The following DENND1A variants were observed in gnomAD, a reference collection of about 807,000 sequenced individuals.
The protein encoded by DENND1A is DENN domain containing 1A.
DENND1A carries 51 observed loss-of-function variants against 113.7 expected under a neutral mutation model. That is an observed-to-expected ratio of 0.45 (90% CI 0.36 to 0.57). The LOEUF (loss-of-function observed/expected upper bound fraction) is 0.57, where lower values mean the gene tolerates loss of function less well. Ranked by LOEUF, DENND1A falls within the 20% of genes least tolerant of loss-of-function variation. The pLI is 0.00. For synonymous variants in DENND1A, 565 were observed against 570.8 expected, an observed-to-expected ratio of 0.99 and a Z score of 0.14; for missense variants, 1,258 against 1,395.9, an observed-to-expected ratio of 0.90 and a Z score of 1.57.
Position 123,557,593 on chromosome 9 carries a change from G to C in DENND1A, c.970C>G (p.Arg324Gly). Residue 324 changes from arginine (R) to glycine (G), a missense_variant, in exon 13 of 24, where the codon CGA becomes GGA. This residue lies in a region of DENND1A where 1,159 missense variants were observed against 1,231.7 expected (regional missense o/e 0.94). Transcript: ENST00000394215. ...ACCGGCTCGATTTTCAGAGCGTTTC[G>C]GTAGCTACCGAAGAAAGCAGCCTGG... is the stretch of plus-strand genomic sequence containing the variant. ...KAQAAFFGSY[R>G]NALKIEPEEP... 1.2e-6 allele frequency: 2 copies of C among 1,613,874 alleles called. No individual in the cohort carries two copies. Among genetic ancestry groups the C allele is most frequent in the Non-Finnish European group, 1.7e-6 (2 of 1,179,910 alleles).
intron 2 of DENND1A, among the ~76,000 whole-genome samples, chr9:123,796,852 A>T (rs557320796): frequency 9.9e-5 from 15 of 152,154 alleles, no homozygotes; most frequent in African/African-American, 3.6e-4. Flanking sequence ...TAAAGAGTCA[A>T]GGCATGACAT....
At chr9:123,741,656 G>A (rs546514324) in intron 5 of DENND1A, among the ~76,000 whole-genome samples, 32 of 152,302 alleles carry the variant, frequency 2.1e-4, no homozygotes, top group African/African-American at 7.0e-4. Context: ...TCTCCTCAAT[G>A]AGTAAAATAG....
intron 13 of DENND1A, among the ~76,000 whole-genome samples, chr9:123,505,524 G>GA (rs1020210363): frequency 2.7e-4 from 41 of 152,082 alleles, no homozygotes; most frequent in Admixed American, 2.0e-4. Context: ...TATTTGGGGG[G>GA]AAAAATGAAA....
chr9:123,636,762 G>A (rs1486898510), intron 9 of DENND1A, among the ~76,000 whole-genome samples: 18 of 146,836 alleles, frequency 1.2e-4, no homozygotes, highest in African/African-American at 4.3e-4. Flanking sequence ...GTGCAATGGC[G>A]CAATCTCAGC....
chr9:123,845,996 A>G (rs1291233320), intron 2 of DENND1A, among the ~76,000 whole-genome samples: 1 of 152,236 alleles, frequency 6.6e-6, no homozygotes, highest in Non-Finnish European at 1.5e-5. Flanking sequence ...TATCTAGAAT[A>G]TATAAAGGAC....
chr9:123,871,479 A>G (rs1483761723), intron 2 of DENND1A, among the ~76,000 whole-genome samples: 2 of 152,196 alleles, frequency 1.3e-5, no homozygotes, highest in Non-Finnish European at 1.5e-5. Context: ...CTAGACCACA[A>G]TTTACAGTCC....
chr9:123,524,852 T>C (rs1224265913), intron 13 of DENND1A, among the ~76,000 whole-genome samples: 3 of 152,170 alleles, frequency 2.0e-5, no homozygotes, highest in Non-Finnish European at 4.4e-5. Context: ...CTGGGGAATA[T>C]AACCAAACGC....
At chr9:123,392,551 G>C (rs1444280354) in intron 21 of DENND1A, among the ~76,000 whole-genome samples, 2 of 152,188 alleles carry the variant, frequency 1.3e-5, no homozygotes, top group Non-Finnish European at 2.9e-5. Context: ...GGTGAGGCTA[G>C]GTCCTGCCTG....
At chr9:123,663,080 G>A (rs1410916181) in intron 8 of DENND1A, among the ~76,000 whole-genome samples, 1 of 152,134 alleles carries the variant, frequency 6.6e-6, no homozygotes, top group Non-Finnish European at 1.5e-5. Context: ...CAACAACTAT[G>A]TAGTACTACA....
At chr9:123,909,922 C>T (rs1041566893) in intron 1 of DENND1A, among the ~76,000 whole-genome samples, 1 of 151,660 alleles carries the variant, frequency 6.6e-6, no homozygotes, top group African/African-American at 2.4e-5. Flanking sequence ...AAAAGCAATG[C>T]CATTTACAAT....
chr9:123,874,706 C>G (rs1284735476), intron 2 of DENND1A, among the ~76,000 whole-genome samples: 1 of 152,092 alleles, frequency 6.6e-6, no homozygotes, highest in African/African-American at 2.4e-5. Context: ...CAACAAAAAG[C>G]AAATAAAAAA....
intron 13 of DENND1A, among the ~76,000 whole-genome samples, chr9:123,511,221 A>C (rs2053432638): frequency 6.6e-6 from 1 of 152,204 alleles, no homozygotes; most frequent in Non-Finnish European, 1.5e-5. Context: ...TTAAGGGCTC[A>C]GATGTCTGAG....
chr9:123,570,548 C>T (rs1179146187), intron 12 of DENND1A, among the ~76,000 whole-genome samples: 1 of 152,114 alleles, frequency 6.6e-6, no homozygotes, highest in Non-Finnish European at 1.5e-5. Flanking sequence ...GACTGGCAGT[C>T]CAGCCTGCAT....
At chr9:123,903,546 A>C (rs1159663503) in intron 1 of DENND1A, among the ~76,000 whole-genome samples, 1 of 152,084 alleles carries the variant, frequency 6.6e-6, no homozygotes, top group Non-Finnish European at 1.5e-5. Context: ...AGGGTGAGGC[A>C]TTGCCTCACT....
At chr9:123,691,489 C>T (rs898241531) in intron 5 of DENND1A, among the ~76,000 whole-genome samples, 3 of 150,966 alleles carry the variant, frequency 2.0e-5, no homozygotes, top group Non-Finnish European at 2.9e-5. Context: ...ACAAATGGCT[C>T]GGGGTTACTG....
chr9:123,571,738 T>C (rs1163008969), intron 12 of DENND1A, among the ~76,000 whole-genome samples: 1 of 152,266 alleles, frequency 6.6e-6, no homozygotes, highest in African/African-American at 2.4e-5. Flanking sequence ...GTTATTGTTC[T>C]CTATGAATAC....
rs10986133 is a variant in DENND1A, at chr9:123,911,699, C to T, written c.17+18190G>A. 3.2e-4 allele frequency among the ~76,000 whole-genome samples: 47 copies of T among 145,740 alleles called. No homozygotes were observed. The South Asian group carries it at 4.4e-3, about 14-fold the overall frequency. On this transcript the variant is annotated intron_variant, in intron 1 of 23. Coordinates refer to ENST00000394215, the MANE Select transcript of DENND1A (RefSeq NM_001352964.2). Reference sequence around the variant, plus strand: ...AAATCAGAATAGTGATTTTTTTTTTCTTTTTTTTTTTGAGGCGGAGTCTTG... The same window carrying T: ...AAATCAGAATAGTGATTTTTTTTTTTTTTTTTTTTTTGAGGCGGAGTCTTG...
intron 13 of DENND1A, among the ~76,000 whole-genome samples, chr9:123,465,224 C>G (rs1040602815): frequency 6.7e-6 from 1 of 148,842 alleles, no homozygotes; most frequent in African/African-American, 2.5e-5. Context: ...GCTCCTGTAT[C>G]AAAGAATCCT....
chr9:123,471,371 G>A (rs1047012086), intron 13 of DENND1A, among the ~76,000 whole-genome samples: 2 of 152,152 alleles, frequency 1.3e-5, no homozygotes, highest in African/African-American at 2.4e-5. Context: ...AGTGCCTAGT[G>A]GGGGGCTTGA....
Sources: allele counts gnomAD v4.1 joint callset (sites outside exome capture counted in the v4.1 genomes callset), GRCh38; gene constraint gnomAD v4.1.1; regional missense constraint gnomAD v4.1.1; transcripts MANE v1.5; gene names NCBI Gene and HGNC (gene_info 2026-07-23, HGNC 2026-07-21).